SLC25A21: variants seen among roughly 807,000 people sequenced by gnomAD.
SLC25A21 encodes the protein solute carrier family 25 member 21.
In SLC25A21, 47 loss-of-function variants were observed where a neutral mutation model predicts 43.8. The observed-to-expected ratio is 1.07, with a 90% CI of 0.85 to 1.37. The LOEUF is 1.37. Ranked by LOEUF, SLC25A21 falls within the 40% of genes most tolerant of loss-of-function variation. The pLI is 0.00. For synonymous variants in SLC25A21, 131 were observed against 121.3 expected, an observed-to-expected ratio of 1.08 and a Z score of -0.52; for missense variants, 352 against 350.2, an observed-to-expected ratio of 1.00 and a Z score of -0.04.
chr14:36,826,481 A>C (rs848068), intron 2 of SLC25A21, among the ~76,000 whole-genome samples: 129,869 of 152,064 alleles, frequency 0.85, 56,389 homozygotes, highest in Non-Finnish European at 0.94. Context: ...CTGCTCTGGG[A>C]GCCTCCTCCC....
At chr14:37,105,927 C>G (rs1962903139) in intron 1 of SLC25A21, among the ~76,000 whole-genome samples, 1 of 152,122 alleles carries the variant, frequency 6.6e-6, no homozygotes, top group Non-Finnish European at 1.5e-5. Context: ...GGACCCCGAA[C>G]AGAGGGACAG....
chr14:36,926,123 T>G (rs1413195285), intron 1 of SLC25A21, among the ~76,000 whole-genome samples: 1 of 152,052 alleles, frequency 6.6e-6, no homozygotes, highest in Non-Finnish European at 1.5e-5. Flanking sequence ...AAATTAATCT[T>G]AAAAAAATTG....
intron 2 of SLC25A21, among the ~76,000 whole-genome samples, chr14:36,843,822 C>T (rs551191500): frequency 9.2e-5 from 14 of 152,240 alleles, no homozygotes; most frequent in Non-Finnish European, 1.3e-4. Flanking sequence ...TCCCAATAAA[C>T]GTGCTTTGTA....
chr14:36,681,918 G>A (rs1217205844), intron 9 of SLC25A21, among the ~76,000 whole-genome samples: 1 of 152,174 alleles, frequency 6.6e-6, no homozygotes, highest in Admixed American at 6.5e-5. Flanking sequence ...TAATGTGTAG[G>A]TAATCGCTGC....
chr14:36,768,039 CAT>C (rs1886479274), intron 3 of SLC25A21, among the ~76,000 whole-genome samples: 1 of 152,200 alleles, frequency 6.6e-6, no homozygotes, highest in South Asian at 2.1e-4. Flanking sequence ...TGTGGAAAAA[CAT>C]GTCGCTGCCT....
intron 3 of SLC25A21, among the ~76,000 whole-genome samples, chr14:36,795,422 C>T (rs1479125277): frequency 6.6e-6 from 1 of 152,186 alleles, no homozygotes; most frequent in Non-Finnish European, 1.5e-5. Flanking sequence ...ATGTAGCATA[C>T]CTAGCAGTAC....
intron 7 of SLC25A21, among the ~76,000 whole-genome samples, chr14:36,694,395 T>C (rs763608902): frequency 1.3e-5 from 2 of 152,164 alleles, no homozygotes. Context: ...GTCTTTATAG[T>C]AGCATGATTT....
intron 1 of SLC25A21, among the ~76,000 whole-genome samples, chr14:36,936,703 G>T (rs12896722): frequency 0.48 from 72,572 of 151,988 alleles, 20,000 homozygotes; most frequent in Non-Finnish European, 0.61. Flanking sequence ...ATAAGTAAAC[G>T]TATTGGGGTT....
chr14:36,845,770 C>T (rs1889522094), intron 2 of SLC25A21, among the ~76,000 whole-genome samples: 1 of 152,210 alleles, frequency 6.6e-6, no homozygotes, highest in African/African-American at 2.4e-5. Context: ...ATACTCTTGA[C>T]AGGCAAGTCT....
At chr14:36,955,882 T>A (rs1201424199) in intron 1 of SLC25A21, among the ~76,000 whole-genome samples, 2 of 152,176 alleles carry the variant, frequency 1.3e-5, no homozygotes, top group Non-Finnish European at 2.9e-5. Context: ...ACTGTTCAAA[T>A]CCCAGCTTGG....
chr14:36,914,769 T>C (rs1284349449), intron 1 of SLC25A21, among the ~76,000 whole-genome samples: 1 of 152,048 alleles, frequency 6.6e-6, no homozygotes, highest in African/African-American at 2.4e-5. Context: ...AAGTATTTGT[T>C]AGTTTCAGAT....
chr14:36,731,118 G>C (rs1346784009), intron 4 of SLC25A21, among the ~76,000 whole-genome samples: 1 of 151,916 alleles, frequency 6.6e-6, no homozygotes, highest in Non-Finnish European at 1.5e-5. Context: ...GACTACAGGC[G>C]CCCGCTACCA....
chr14:37,172,141 G>C lies in SLC25A21; in HGVS notation c.70+140C>G. ...CTCCTCTGCTCTCGCGCCTCTAGGG[G>C]CTCAAGCACTGCTCCGGGAGCGCTG... On this transcript the variant is annotated intron_variant, in intron 1 of 9. Coordinates refer to ENST00000331299, the MANE Select transcript of SLC25A21 (RefSeq NM_030631.4). 1.7e-5 allele frequency: 15 copies of C among 873,880 alleles called. No individual in the cohort carries two copies. In the South Asian group the frequency reaches 2.5e-4, roughly 15 times the overall value. 54.1% of individuals were successfully genotyped at this position (873,880 alleles called of 1,614,324 possible).
intron 3 of SLC25A21, among the ~76,000 whole-genome samples, chr14:36,785,095 G>A (rs1887199797): frequency 6.6e-6 from 1 of 152,156 alleles, no homozygotes; most frequent in Admixed American, 6.5e-5. Context: ...ATGTGTTTCT[G>A]TACCCTCATA....
intron 1 of SLC25A21, among the ~76,000 whole-genome samples, chr14:37,160,844 C>T (rs759030946): frequency 6.6e-6 from 1 of 151,446 alleles, no homozygotes; most frequent in African/African-American, 2.4e-5. Context: ...GCAGGAGAAT[C>T]GCTTGAACCC....
At chr14:36,844,090 G>A (rs907664581) in intron 2 of SLC25A21, among the ~76,000 whole-genome samples, 12 of 152,158 alleles carry the variant, frequency 7.9e-5, no homozygotes, top group Admixed American at 4.6e-4. Flanking sequence ...TAGGAGGCAC[G>A]AAGCCAGCCT....
intron 1 of SLC25A21, among the ~76,000 whole-genome samples, chr14:37,123,016 C>T (rs1488536536): frequency 6.6e-6 from 1 of 152,156 alleles, no homozygotes; most frequent in African/African-American, 2.4e-5. Context: ...GAAACGTACG[C>T]TCTATGAATG....
At chr14:36,816,621 G>C (rs1888465256) in intron 2 of SLC25A21, among the ~76,000 whole-genome samples, 1 of 150,584 alleles carries the variant, frequency 6.6e-6, no homozygotes, top group Non-Finnish European at 1.5e-5. Context: ...TCCCACCTCA[G>C]CCTCCCGAGC....
chr14:36,693,455 G>T (rs1882879575), intron 7 of SLC25A21, among the ~76,000 whole-genome samples: 2 of 152,026 alleles, frequency 1.3e-5, no homozygotes, highest in Non-Finnish European at 2.9e-5. Flanking sequence ...TTATCATCAT[G>T]GGCTTTAGCA....
Sources: gnomAD v4.1 joint callset for allele counts (sites outside exome capture counted in the v4.1 genomes callset) on GRCh38, gnomAD v4.1.1 for gene constraint, MANE v1.5 for transcripts, NCBI Gene and HGNC (gene_info 2026-07-23, HGNC 2026-07-21) for gene names.